NALF1: variants seen among roughly 807,000 people sequenced by gnomAD.
The protein encoded by NALF1 is NALCN channel auxiliary factor 1.
In NALF1, 3 loss-of-function variants were observed where a neutral mutation model predicts 48.4. The observed-to-expected ratio is 0.06, with a 90% CI of 0.03 to 0.16. NALF1 has a LOEUF of 0.16. Ranked by LOEUF, NALF1 falls within the 10% of genes least tolerant of loss-of-function variation. The pLI, the probability that NALF1 is intolerant of heterozygous loss-of-function variation, is 1.00. For missense variants in NALF1, 526 were observed against 571.5 expected, an observed-to-expected ratio of 0.92 and a Z score of 0.81; for synonymous variants, 262 against 245.7, an observed-to-expected ratio of 1.07 and a Z score of -0.62.
chr13:107,821,706 G>A (rs1015009697), intron 1 of NALF1, among the ~76,000 whole-genome samples: 1 of 152,178 alleles, frequency 6.6e-6, no homozygotes, highest in Non-Finnish European at 1.5e-5. Flanking sequence ...GAGATCCAAT[G>A]ACAGAAAGAG....
In NALF1 at chr13:107,773,636, A is replaced by G. The variant is rs16971101; in HGVS notation, c.915+92046T>C. Among the ~76,000 whole-genome samples, 5,708 of 149,054 alleles carry G rather than the reference A, an allele frequency of 0.038. 533 individuals are homozygous for G. The East Asian group carries it at 0.43, about 11-fold the overall frequency. ...TTGATTTCCTTATCATTTAAAAATAATGAGTGTCCGCATGTTCTCACTCAT... is the reference window on the plus strand; with the variant it reads ...TTGATTTCCTTATCATTTAAAAATAGTGAGTGTCCGCATGTTCTCACTCAT... On this transcript the variant is annotated intron_variant, in intron 1 of 2. Transcript: ENST00000375915.
rs560754141 is a variant in NALF1, at chr13:107,349,508, C to T, written c.916-138753G>A. Reference sequence around the variant, plus strand: ...CTGTAATCCCAGCACTTTGGGAGGGCGAGGCAGGTGGATCACGAGGTCAGG... The same window carrying T: ...CTGTAATCCCAGCACTTTGGGAGGGTGAGGCAGGTGGATCACGAGGTCAGG... On this transcript the variant is annotated intron_variant, in intron 1 of 2. Transcript: ENST00000375915. 6.6e-5 allele frequency among the ~76,000 whole-genome samples: 10 copies of T among 151,986 alleles called. No homozygotes were observed. In the East Asian group the frequency reaches 9.7e-4, roughly 15 times the overall value.
intron 1 of NALF1, among the ~76,000 whole-genome samples, chr13:107,232,631 T>C (rs780283610): frequency 9.9e-5 from 15 of 152,222 alleles, no homozygotes; most frequent in Admixed American, 4.6e-4. Context: ...ATCACATTAT[T>C]TTAATAATAT....
chr13:107,264,474 T>C (rs886959672), intron 1 of NALF1, among the ~76,000 whole-genome samples: 20 of 152,214 alleles, frequency 1.3e-4, no homozygotes, highest in Admixed American at 1.1e-3. Context: ...GAGGAATGTG[T>C]CTTTCTTTTA....
At chr13:107,359,260 T>C (rs1883019109) in intron 1 of NALF1, among the ~76,000 whole-genome samples, 1 of 152,128 alleles carries the variant, frequency 6.6e-6, no homozygotes, top group Non-Finnish European at 1.5e-5. Flanking sequence ...ATGTCAACAT[T>C]CATGTATGGT....
chr13:107,845,799 T>G (rs1880156392), intron 1 of NALF1, among the ~76,000 whole-genome samples: 1 of 152,110 alleles, frequency 6.6e-6, no homozygotes, highest in Non-Finnish European at 1.5e-5. Flanking sequence ...GTCTCATCCA[T>G]CAGCTCTATC....
At chr13:107,395,944 C>T (rs943923274) in intron 1 of NALF1, among the ~76,000 whole-genome samples, 1 of 152,086 alleles carries the variant, frequency 6.6e-6, no homozygotes, top group Non-Finnish European at 1.5e-5. Flanking sequence ...TAGTTACATT[C>T]TGAGGGGCTG....
chr13:107,721,146 ACACG>A (rs1001535776), intron 1 of NALF1, among the ~76,000 whole-genome samples: 3 of 137,930 alleles, frequency 2.2e-5, no homozygotes, highest in African/African-American at 5.3e-5. Flanking sequence ...ACACACACAC[ACACG>A]TAATGAAATA....
intron 1 of NALF1, among the ~76,000 whole-genome samples, chr13:107,773,784 C>G (rs915613979): frequency 6.7e-6 from 1 of 149,550 alleles, no homozygotes. Context: ...TGCTAAATGA[C>G]GAGTAAATGG....
At chr13:107,570,939 T>C (rs774674662) in intron 1 of NALF1, among the ~76,000 whole-genome samples, 1 of 152,170 alleles carries the variant, frequency 6.6e-6, no homozygotes, top group Non-Finnish European at 1.5e-5. Flanking sequence ...ATAAAGAATC[T>C]TAGGATTCTT....
At chr13:107,620,251 G>T (rs1391112647) in intron 1 of NALF1, among the ~76,000 whole-genome samples, 2 of 152,114 alleles carry the variant, frequency 1.3e-5, no homozygotes. Context: ...CAAAAGAATG[G>T]TAATGATTTG....
intron 1 of NALF1, among the ~76,000 whole-genome samples, chr13:107,632,200 T>C (rs1271839970): frequency 6.6e-6 from 1 of 152,194 alleles, no homozygotes; most frequent in African/African-American, 2.4e-5. Flanking sequence ...TGGCAAATAC[T>C]ATATCTATCT....
chr13:107,208,918 T>TA (rs1330496124), intron 2 of NALF1, among the ~76,000 whole-genome samples: 1 of 151,930 alleles, frequency 6.6e-6, no homozygotes, highest in East Asian at 1.9e-4. Flanking sequence ...AGGAGCTACA[T>TA]AAAAAATGAC....
intron 1 of NALF1, among the ~76,000 whole-genome samples, chr13:107,309,951 C>T (rs1297117397): frequency 6.6e-6 from 1 of 152,066 alleles, no homozygotes; most frequent in Non-Finnish European, 1.5e-5. Context: ...TATTTTATGT[C>T]TTCATTTTAA....
chr13:107,519,873 T>C lies in NALF1; in HGVS notation c.916-309118A>G, dbSNP rs377715337. 1.1e-4 allele frequency among the ~76,000 whole-genome samples: 17 copies of C among 152,328 alleles called. No individual in the cohort carries two copies. The East Asian group carries it at 3.3e-3, about 29-fold the overall frequency. On this transcript the variant is annotated intron_variant, in intron 1 of 2. Transcript: ENST00000375915. ...GTTAGAATTAAGTATCAGTTAATTCTAGAGATAGTAACTATCTCAAACTAC... is the reference window on the plus strand; with the variant it reads ...GTTAGAATTAAGTATCAGTTAATTCCAGAGATAGTAACTATCTCAAACTAC...
chr13:107,379,801 T>C (rs902559564), intron 1 of NALF1, among the ~76,000 whole-genome samples: 1 of 152,202 alleles, frequency 6.6e-6, no homozygotes, highest in Admixed American at 6.5e-5. Flanking sequence ...AAATGGCACA[T>C]CTTAAGACAA....
chr13:107,315,964 T>C (rs1446585606), intron 1 of NALF1, among the ~76,000 whole-genome samples: 3 of 152,068 alleles, frequency 2.0e-5, no homozygotes, highest in South Asian at 2.1e-4. Context: ...TTGTTACATA[T>C]GTATACATGT....
At chr13:107,326,532 T>C (rs1010322847) in intron 1 of NALF1, among the ~76,000 whole-genome samples, 1 of 152,182 alleles carries the variant, frequency 6.6e-6, no homozygotes, top group African/African-American at 2.4e-5. Flanking sequence ...TGAGACTGGG[T>C]TAAGGAACTG....
Position 107,778,303 on chromosome 13 carries a change from T to C in NALF1, c.915+87379A>G, listed in dbSNP as rs187641405. Among the ~76,000 whole-genome samples the C allele has an allele frequency of 1.1e-4, 16 of 152,342 alleles. No homozygotes were observed. In the East Asian group the frequency reaches 3.1e-3, roughly 29 times the overall value. ...GTATTTGGAGCATCATGCTTAAATC[T>C]GGTCACCATGTTTTAAGAAGGAATT... On this transcript the variant is annotated intron_variant, in intron 1 of 2. Coordinates refer to ENST00000375915, the MANE Select transcript of NALF1 (RefSeq NM_001080396.3).
Sources: allele counts gnomAD v4.1 joint callset (sites outside exome capture counted in the v4.1 genomes callset), GRCh38; gene constraint gnomAD v4.1.1; transcripts MANE v1.5; gene names NCBI Gene and HGNC (gene_info 2026-07-23, HGNC 2026-07-21).